Variants in MTMR2 observed in about 807,000 individuals in gnomAD.
The protein encoded by MTMR2 is myotubularin related protein 2.
Under a neutral mutation model 86.9 loss-of-function variants are expected in MTMR2, and 55 were observed. The ratio of observed to expected loss-of-function variants is 0.63; its 90% CI spans 0.51 to 0.79. The LOEUF is 0.79. MTMR2 is among the 30% of genes least tolerant of loss of function. MTMR2 has a pLI of 0.00. For synonymous variants in MTMR2, 241 were observed against 266.8 expected (o/e 0.90, Z 0.94); for missense variants, 659 against 772.3 (o/e 0.85, Z 1.74).
At chr11:95,871,560 T>C (rs1864884418) in intron 2 of MTMR2, among the ~76,000 whole-genome samples, 1 of 152,236 alleles carries the variant, frequency 6.6e-6, no homozygotes, top group African/African-American at 2.4e-5. Context: ...TCTGTTTATA[T>C]CTTTCACCCA....
chr11:95,909,398 C>T (rs1490967455), intron 1 of MTMR2, among the ~76,000 whole-genome samples: 1 of 152,166 alleles, frequency 6.6e-6, no homozygotes, highest in Non-Finnish European at 1.5e-5. Flanking sequence ...GTACCTACTA[C>T]AGAAGCATAT....
At chr11:95,874,692 A>G (rs1865035100) in intron 2 of MTMR2, among the ~76,000 whole-genome samples, 1 of 152,124 alleles carries the variant, frequency 6.6e-6, no homozygotes, top group South Asian at 2.1e-4. Flanking sequence ...CCTAGCCTCA[A>G]TGGTCTTTAC....
chr11:95,889,155 C>G (rs893511670), intron 1 of MTMR2, among the ~76,000 whole-genome samples: 1 of 145,348 alleles, frequency 6.9e-6, no homozygotes, highest in Non-Finnish European at 1.5e-5. Flanking sequence ...TTTTCTGAGA[C>G]AGAGTTTCAC....
intron 1 of MTMR2, among the ~76,000 whole-genome samples, chr11:95,891,459 AAAG>A (rs1332139743): frequency 1.3e-5 from 2 of 151,518 alleles, no homozygotes; most frequent in South Asian, 2.1e-4. Context: ...CAAAAAAAAA[AAAG>A]AAAGAAAGAA....
At chr11:95,873,082 T>A (rs184999545) in intron 2 of MTMR2, among the ~76,000 whole-genome samples, 2 of 152,320 alleles carry the variant, frequency 1.3e-5, no homozygotes, top group East Asian at 3.9e-4. Flanking sequence ...ATTCTCTTTT[T>A]TTGTTGTGTC....
chr11:95,876,356 G>A (rs1309946518), intron 2 of MTMR2, among the ~76,000 whole-genome samples: 4 of 152,164 alleles, frequency 2.6e-5, no homozygotes, highest in Non-Finnish European at 5.9e-5. Flanking sequence ...AATATCTTTA[G>A]TGGAGAATAA....
In MTMR2 at chr11:95,876,645, A is replaced by C. The variant is rs531882366; in HGVS notation, c.187-10969T>G. ...AATCTTATTAAAACTCTTACTTCAA[A>C]ACACACAAGATTCAAATTTATAATT... On this transcript the variant is annotated intron_variant, in intron 2 of 14. Coordinates refer to ENST00000346299, the MANE Select transcript of MTMR2 (RefSeq NM_016156.6). Among the ~76,000 whole-genome samples, 4 of 152,246 alleles carry C rather than the reference A, an allele frequency of 2.6e-5. No homozygotes were observed. In the East Asian group the frequency reaches 7.7e-4, roughly 29 times the overall value.
At chr11:95,906,759 G>A (rs1866292965) in intron 1 of MTMR2, among the ~76,000 whole-genome samples, 1 of 152,116 alleles carries the variant, frequency 6.6e-6, no homozygotes, top group Non-Finnish European at 1.5e-5. Flanking sequence ...CAATTACATG[G>A]TAATTTAACA....
rs57807625 is a variant in MTMR2 at position 95,834,303 on chromosome 11, A to C, written c.*987T>G. ...AGATTGTAATACATCTTTTACATGCAGTGTGTTCTTTGGTAGACTTAATCG... is the reference window on the plus strand; with the variant it reads ...AGATTGTAATACATCTTTTACATGCCGTGTGTTCTTTGGTAGACTTAATCG... On this transcript the variant is annotated 3_prime_UTR_variant, in exon 15 of 15. Coordinates refer to ENST00000346299, the MANE Select transcript of MTMR2 (RefSeq NM_016156.6). 3 of 152,454 alleles carry C rather than the reference A, an allele frequency of 2.0e-5. 1 individual carries two copies. The highest frequency in any genetic ancestry group is 4.4e-5 in the Non-Finnish European group (3 of 67,968). 9.4% of individuals were successfully genotyped at this position (152,454 alleles called of 1,614,324 possible). A position where few individuals can be genotyped will look rare whatever the true frequency, so the allele number is the denominator to read the frequency against.
At chr11:95,917,450 G>A (rs1476473899) in intron 1 of MTMR2, among the ~76,000 whole-genome samples, 3 of 152,082 alleles carry the variant, frequency 2.0e-5, no homozygotes, top group Admixed American at 6.6e-5. Flanking sequence ...TTCAGGTGAT[G>A]GCCTCCTGGA....
At chr11:95,907,467 C>T (rs1052802750) in intron 1 of MTMR2, among the ~76,000 whole-genome samples, 2 of 152,042 alleles carry the variant, frequency 1.3e-5, no homozygotes, top group African/African-American at 4.8e-5. Flanking sequence ...CCTATGGAAA[C>T]TATTCCCCCC....
chr11:95,923,920 G>A lies in MTMR2; in HGVS notation c.35C>T (p.Ser12Phe), dbSNP rs755619139. 15 of 1,561,192 alleles carry A rather than the reference G, an allele frequency of 9.6e-6. No homozygotes were observed. Among genetic ancestry groups the A allele is most frequent in the African/African-American group, 4.1e-5 (3 of 73,652 alleles). The change falls in exon 1 of 15, where the codon TCC becomes TTC. Residue 12 changes from serine (S) to phenylalanine (F), a missense_variant. Physicochemically the swap from Ser to Phe is radical, Grantham distance 155. Coordinates refer to ENST00000346299, the MANE Select transcript of MTMR2 (RefSeq NM_016156.6). ...EKSSSCESLG[S>F]QPAAARPPSV... ...GGGCGGCCGAGCCGCCGCCGGCTGG[G>A]AGCCAAGACTCTCGCAGCTCGAGCT...
chr11:95,869,548 C>T (rs1263504735), intron 2 of MTMR2, among the ~76,000 whole-genome samples: 1 of 152,178 alleles, frequency 6.6e-6, no homozygotes, highest in Non-Finnish European at 1.5e-5. Flanking sequence ...TGACTCCTAA[C>T]TACTATATTC....
At chr11:95,900,225 G>C (rs940084743) in intron 1 of MTMR2, among the ~76,000 whole-genome samples, 1 of 152,132 alleles carries the variant, frequency 6.6e-6, no homozygotes, top group Non-Finnish European at 1.5e-5. Flanking sequence ...CATCAAAGTG[G>C]ATATATTCAT....
In MTMR2 at chr11:95,850,630, C is replaced by T; in HGVS notation, c.774G>A (p.Val258=). The change falls in exon 8 of 15, where the codon GTG becomes GTA. Residue 258 remains valine (V), a synonymous_variant. Coordinates refer to ENST00000346299, the MANE Select transcript of MTMR2 (RefSeq NM_016156.6). The part of the protein sequence containing the change: ...ANIPDEELKR[V]ASFRSRGRIP... The stretch of plus-strand genomic sequence containing the variant: ...TACGGCCTCTTGATCTGAAGGATGC[C>T]ACTCTCTTTAATTCTTCATCAGGAA... The T allele has an allele frequency of 1.2e-6, 2 of 1,614,070 alleles. No homozygotes were observed. Among genetic ancestry groups the T allele is most frequent in the South Asian group, 1.1e-5 (1 of 91,072 alleles).
intron 1 of MTMR2, 113 bp downstream of exon 1, chr11:95,923,761 TC>T (rs1434403525): frequency 1.3e-6 from 2 of 1,488,154 alleles, no homozygotes; most frequent in Non-Finnish European, 1.8e-6. Flanking sequence ...GGGAAGGAAT[TC>T]CGGCGTAGCC....
At chr11:95,839,081 T>TA in intron 12 of MTMR2, among the ~76,000 whole-genome samples, 1 of 151,926 alleles carries the variant, frequency 6.6e-6, no homozygotes. Flanking sequence ...TCCCTTCCTT[T>TA]ATAGTGGAGG....
intron 2 of MTMR2, among the ~76,000 whole-genome samples, chr11:95,884,170 G>A (rs904781980): frequency 7.9e-5 from 12 of 152,160 alleles, no homozygotes; most frequent in African/African-American, 1.2e-4. Context: ...AGTTTTGCCT[G>A]TAATTAAAAC....
intron 1 of MTMR2, among the ~76,000 whole-genome samples, chr11:95,907,205 A>G (rs1289701461): frequency 6.6e-6 from 1 of 152,174 alleles, no homozygotes; most frequent in Non-Finnish European, 1.5e-5. Flanking sequence ...CCAAAGAAAT[A>G]CAAAAAAATC....
Sources: gnomAD v4.1 joint callset for allele counts (sites outside exome capture counted in the v4.1 genomes callset) on GRCh38, gnomAD v4.1.1 for gene constraint, MANE v1.5 for transcripts, NCBI Gene and HGNC (gene_info 2026-07-23, HGNC 2026-07-21) for gene names.